ERBB4: variants seen among roughly 807,000 people sequenced by gnomAD.
ERBB4 encodes the protein receptor tyrosine-protein kinase erbB-4.
In ERBB4, 42 loss-of-function variants were observed where a neutral mutation model predicts 158.0. That is an observed-to-expected ratio of 0.27 (90% CI 0.21 to 0.34). The LOEUF (loss-of-function observed/expected upper bound fraction) is 0.34, where lower values mean the gene tolerates loss of function less well. ERBB4 is among the 10% of genes least tolerant of loss of function. ERBB4 has a pLI of 1.00. For synonymous variants in ERBB4, 583 were observed against 558.7 expected, an observed-to-expected ratio of 1.04 and a Z score of -0.61; for missense variants, 1,333 against 1,624.1, an observed-to-expected ratio of 0.82 and a Z score of 3.08.
intron 2 of ERBB4, among the ~76,000 whole-genome samples, chr2:212,085,724 G>A (rs1041031373): frequency 2.0e-5 from 3 of 151,726 alleles, no homozygotes; most frequent in African/African-American, 7.3e-5. Context: ...TATGTTATTT[G>A]TTAATATTTA....
At chr2:211,992,450 G>A (rs956186873) in intron 2 of ERBB4, among the ~76,000 whole-genome samples, 10 of 151,392 alleles carry the variant, frequency 6.6e-5, no homozygotes, top group Non-Finnish European at 1.5e-5. Context: ...TGGGAATTCT[G>A]GAAGACACAA....
intron 1 of ERBB4, among the ~76,000 whole-genome samples, chr2:212,417,574 C>T (rs2091686593): frequency 6.6e-6 from 1 of 151,972 alleles, no homozygotes; most frequent in Admixed American, 6.6e-5. Context: ...CACATCTTGT[C>T]CCAAGCATTT....
intron 2 of ERBB4, among the ~76,000 whole-genome samples, chr2:211,987,830 G>C (rs2081976991): frequency 6.6e-6 from 1 of 152,022 alleles, no homozygotes; most frequent in Non-Finnish European, 1.5e-5. Flanking sequence ...ACTAACCTTT[G>C]AAATTAAAGA....
At chr2:211,910,523 A>G (rs2079515868) in intron 3 of ERBB4, among the ~76,000 whole-genome samples, 1 of 151,626 alleles carries the variant, frequency 6.6e-6, no homozygotes. Context: ...GAGATAAATA[A>G]TGAGAACACA....
chr2:211,851,155 G>T (rs961289419), intron 3 of ERBB4, among the ~76,000 whole-genome samples: 3 of 151,992 alleles, frequency 2.0e-5, no homozygotes, highest in Middle Eastern at 3.4e-3. Flanking sequence ...AATTGAAAAT[G>T]ATGTACAAAA....
chr2:211,842,851 T>G (rs1202907626), intron 3 of ERBB4, among the ~76,000 whole-genome samples: 2 of 152,124 alleles, frequency 1.3e-5, no homozygotes, highest in African/African-American at 4.8e-5. Flanking sequence ...ACTATAACAG[T>G]GCTTGGCCGG....
Position 212,219,861 on chromosome 2 carries a change from T to A in ERBB4, c.83-94958A>T, listed in dbSNP as rs1320849188. Among the ~76,000 whole-genome samples, 3 of 151,070 alleles carry A rather than the reference T, an allele frequency of 2.0e-5. No individual in the cohort carries two copies. The East Asian group carries it at 5.8e-4, about 29-fold the overall frequency. Reference sequence around the variant, plus strand: ...GGTTTTGTCAATGAAAACAACCTTTTATTATAAAGTGACAGTTTTATAACT... The same window carrying A: ...GGTTTTGTCAATGAAAACAACCTTTAATTATAAAGTGACAGTTTTATAACT... On this transcript the variant is annotated intron_variant, in intron 1 of 27. Transcript: ENST00000342788.
chr2:212,084,364 G>A (rs529122161), intron 2 of ERBB4, among the ~76,000 whole-genome samples: 4 of 152,006 alleles, frequency 2.6e-5, no homozygotes, highest in East Asian at 1.9e-4. Flanking sequence ...GCTATAACGC[G>A]CAACACCTAG....
At chr2:212,037,069 G>C (rs560554533) in intron 2 of ERBB4, among the ~76,000 whole-genome samples, 5 of 152,126 alleles carry the variant, frequency 3.3e-5, no homozygotes, top group Admixed American at 6.5e-5. Context: ...CATTTTCACT[G>C]ATAATCAATC....
chr2:211,805,944 G>T (rs190347940), intron 3 of ERBB4, among the ~76,000 whole-genome samples: 1 of 151,212 alleles, frequency 6.6e-6, no homozygotes, highest in Admixed American at 6.6e-5. Context: ...AGAGAAAAAA[G>T]AGAAATATAA....
chr2:211,582,636 G>C (rs2068138466), intron 19 of ERBB4, among the ~76,000 whole-genome samples: 1 of 152,120 alleles, frequency 6.6e-6, no homozygotes, highest in Non-Finnish European at 1.5e-5. Flanking sequence ...AGGTTACTTA[G>C]ATTAAAAGAA....
intron 3 of ERBB4, among the ~76,000 whole-genome samples, chr2:211,830,275 T>C (rs2077191754): frequency 6.6e-6 from 1 of 152,164 alleles, no homozygotes; most frequent in Non-Finnish European, 1.5e-5. Context: ...TTTATTAACT[T>C]GAGGGCATCA....
chr2:211,645,704 T>C (rs1212096668), intron 16 of ERBB4, among the ~76,000 whole-genome samples: 3 of 151,688 alleles, frequency 2.0e-5, no homozygotes, highest in African/African-American at 7.2e-5. Flanking sequence ...ACCTGTCTAA[T>C]TTTAGAAAGG....
At chr2:211,515,400 C>T (rs7594072) in intron 20 of ERBB4, among the ~76,000 whole-genome samples, 42,351 of 151,662 alleles carry the variant, frequency 0.28, 6,262 homozygotes, top group African/African-American at 0.37. Flanking sequence ...GTAGGACTTT[C>T]AAAATTCCCA....
intron 2 of ERBB4, among the ~76,000 whole-genome samples, chr2:212,042,083 C>T (rs920225947): frequency 6.6e-5 from 10 of 152,078 alleles, no homozygotes; most frequent in African/African-American, 2.2e-4. Flanking sequence ...TCCCCCTACC[C>T]CACCCAAAAC....
chr2:211,540,625 G>A (rs1384543032), intron 20 of ERBB4, among the ~76,000 whole-genome samples: 7 of 151,492 alleles, frequency 4.6e-5, no homozygotes, highest in Non-Finnish European at 5.9e-5. Flanking sequence ...GTGCAGTGGC[G>A]TGATCTCAGC....
intron 20 of ERBB4, among the ~76,000 whole-genome samples, chr2:211,441,405 G>A (rs944953315): frequency 6.6e-6 from 1 of 152,086 alleles, no homozygotes; most frequent in African/African-American, 2.4e-5. Flanking sequence ...CACATGTGAT[G>A]GTATAGTAAT....
At position 211,947,605 on chromosome 2, in the gene ERBB4, T is replaced by C; in HGVS notation, c.246A>G (p.Glu82=). The C allele has an allele frequency of 1.9e-6, 3 of 1,613,464 alleles. No individual in the cohort carries two copies. Among genetic ancestry groups the C allele is most frequent in the Non-Finnish European group, 2.5e-6 (3 of 1,179,724 alleles). ...GAGCCACTAACACGTAGCCTGTGAC[T>C]TCTCGAACAGACTGAAAAGACACAA... The part of the protein sequence containing the change: ...RDLSFLRSVR[E]VTGYVLVALN... The change falls in exon 3 of 28, where the codon GAA becomes GAG. Residue 82 remains glutamate, a synonymous_variant. Coordinates refer to ENST00000342788, the MANE Select transcript of ERBB4 (RefSeq NM_005235.3).
At chr2:211,556,219 A>T (rs2067234195) in intron 20 of ERBB4, among the ~76,000 whole-genome samples, 1 of 152,256 alleles carries the variant, frequency 6.6e-6, no homozygotes, top group African/African-American at 2.4e-5. Flanking sequence ...AAAGTGTTCA[A>T]TTCAACAAGA....
Sources: gnomAD v4.1 joint callset for allele counts (sites outside exome capture counted in the v4.1 genomes callset) on GRCh38, gnomAD v4.1.1 for gene constraint, MANE v1.5 for transcripts, NCBI Gene and HGNC (gene_info 2026-07-23, HGNC 2026-07-21) for gene names.